Variants in MRPL12 observed in about 807,000 individuals in gnomAD.
MRPL12 encodes large ribosomal subunit protein bL12m.
A neutral mutation model predicts 21.1 loss-of-function variants in MRPL12; 13 were observed. The ratio of observed to expected loss-of-function variants is 0.62; its 90% CI spans 0.40 to 0.98. MRPL12 has a LOEUF of 0.98. Among genes scored for constraint, MRPL12 ranks in the 50% least tolerant of loss-of-function variants. The pLI is 0.00. For synonymous variants in MRPL12, 126 were observed against 115.3 expected (o/e 1.09, Z -0.60); for missense variants, 251 against 268.6 (o/e 0.93, Z 0.46).
At position 81,703,475 on chromosome 17, in the gene MRPL12, G is replaced by T. The variant is rs779040919; in HGVS notation, c.-27G>T. On this transcript the variant is annotated 5_prime_UTR_variant, in exon 1 of 5. Transcript: ENST00000333676. ...GAGCGTCGCCTCCTCCCGGGGAACCGCGTGTGACCTTCCAGCCCGCGGACC... is the reference window on the plus strand; with the variant it reads ...GAGCGTCGCCTCCTCCCGGGGAACCTCGTGTGACCTTCCAGCCCGCGGACC... The T allele has an allele frequency of 6.7e-7, 1 of 1,486,526 alleles. No homozygotes were observed. Among genetic ancestry groups the T allele is most frequent in the Non-Finnish European group, 8.9e-7 (1 of 1,124,066 alleles). 92.1% of individuals were successfully genotyped at this position (1,486,526 alleles called of 1,614,324 possible).
chr17:81,703,953 G>T (rs1413650994), intron 1 of MRPL12, among the ~76,000 whole-genome samples: 2 of 152,226 alleles, frequency 1.3e-5, no homozygotes, highest in African/African-American at 4.8e-5. Context: ...GGTTGATGTA[G>T]TTCATTCAAA....
rs1195646859 is a variant in MRPL12, at chr17:81,703,418, C to G, written c.-84C>G. ...GCCGTGGCGGCTAGAGCGTTCCTCC[C>G]CAGCTCGAATGCCCGGCGGCCGAGG... On this transcript the variant is annotated 5_prime_UTR_variant, in exon 1 of 5. Transcript: ENST00000333676. The G allele has an allele frequency of 8.1e-7, 1 of 1,227,844 alleles. No individual in the cohort carries two copies. 76.1% of individuals were successfully genotyped at this position (1,227,844 alleles called of 1,614,324 possible).
At chr17:81,706,556 C>A (rs2037315966) in intron 3 of MRPL12, among the ~76,000 whole-genome samples, 1 of 152,150 alleles carries the variant, frequency 6.6e-6, no homozygotes, top group African/African-American at 2.4e-5. Flanking sequence ...ATTGGGCAGA[C>A]CTGCCTCTGA....
chr17:81,704,618 T>A lies in MRPL12; in HGVS notation c.262-15T>A, dbSNP rs760784846. 1 of 1,613,810 alleles carries A rather than the reference T, an allele frequency of 6.2e-7. No individual in the cohort carries two copies. Among genetic ancestry groups the A allele is most frequent in the South Asian group, 1.1e-5 (1 of 91,072 alleles). On this transcript the variant is annotated splice_polypyrimidine_tract_variant and intron_variant, in intron 2 of 4. Coordinates refer to ENST00000333676, the MANE Select transcript of MRPL12 (RefSeq NM_002949.4). The stretch of plus-strand genomic sequence containing the variant: ...TGTGAGGGCCAGCTGTGGACACTGT[T>A]CTCTATCTCTGCAGAAAACGTTGAA...
intron 1 of MRPL12, among the ~76,000 whole-genome samples, chr17:81,703,918 C>T (rs576568484): frequency 6.6e-6 from 1 of 152,324 alleles, no homozygotes; most frequent in East Asian, 1.9e-4. Context: ...GAAGATGCAC[C>T]TAAGTAATAG....
At position 81,706,928 on chromosome 17, in the gene MRPL12, T is replaced by C; in HGVS notation, c.368T>C (p.Ile123Thr). ...AAGGCGGTGGAAGAAGATATCCCCATAGCGAAAGAACGGACACATTTCACC... is the reference window on the plus strand; with the variant it reads ...AAGGCGGTGGAAGAAGATATCCCCACAGCGAAAGAACGGACACATTTCACC... ...AQEAVEEDIP[I>T]AKERTHFTVR... Residue 123 changes from isoleucine to threonine, a missense_variant, in exon 4 of 5, where the codon ATA (isoleucine) becomes ACA (threonine). Physicochemically the swap from Ile to Thr is moderately conservative, Grantham distance 89 (BLOSUM62 -1). Transcript: ENST00000333676. The C allele has an allele frequency of 6.2e-7, 1 of 1,613,868 alleles. No individual in the cohort carries two copies. The highest frequency in any genetic ancestry group is 8.5e-7 in the Non-Finnish European group (1 of 1,179,998).
intron 3 of MRPL12, among the ~76,000 whole-genome samples, chr17:81,705,934 A>T (rs577939420): frequency 2.0e-5 from 3 of 152,210 alleles, no homozygotes; most frequent in Admixed American, 1.3e-4. Flanking sequence ...AATAGCTGGG[A>T]TTACTGTAGA....
rs973928903 is a variant in MRPL12 at position 81,703,460 on chromosome 17, T to G, written c.-42T>G. On this transcript the variant is annotated 5_prime_UTR_variant, in exon 1 of 5. Coordinates refer to ENST00000333676, the MANE Select transcript of MRPL12 (RefSeq NM_002949.4). ...CGGCCGAGGCGGCTAGAGCGTCGCCTCCTCCCGGGGAACCGCGTGTGACCT... is the reference window on the plus strand; with the variant it reads ...CGGCCGAGGCGGCTAGAGCGTCGCCGCCTCCCGGGGAACCGCGTGTGACCT... 2.0e-6 allele frequency: 3 copies of G among 1,474,356 alleles called. No individual in the cohort carries two copies. The highest frequency in any genetic ancestry group is 2.7e-6 in the Non-Finnish European group (3 of 1,115,962). The allele number at this position is 1,474,356 out of a possible 1,614,324, so 91.3% of individuals were successfully genotyped here. A position where few individuals can be genotyped will look rare whatever the true frequency, so the allele number is the denominator to read the frequency against.
Position 81,707,376 on chromosome 17 carries a change from G to C in MRPL12, c.*136G>C. The C allele has an allele frequency of 1.2e-6, 1 of 865,842 alleles. No homozygotes were observed. Among genetic ancestry groups the C allele is most frequent in the Admixed American group, 2.7e-5 (1 of 36,422 alleles). 53.6% of individuals were successfully genotyped at this position (865,842 alleles called of 1,614,324 possible). A position where few individuals can be genotyped will look rare whatever the true frequency, so the allele number is the denominator to read the frequency against. ...GGAGAATTGCCTGCGCCACGCAGCGGGGCCGGACAGGCCGCACAGACCTAC... is the reference window on the plus strand; with the variant it reads ...GGAGAATTGCCTGCGCCACGCAGCGCGGCCGGACAGGCCGCACAGACCTAC... On this transcript the variant is annotated 3_prime_UTR_variant, in exon 5 of 5. Coordinates refer to ENST00000333676, the MANE Select transcript of MRPL12 (RefSeq NM_002949.4).
At chr17:81,706,691 G>C (rs958297481) in intron 3 of MRPL12, among the ~76,000 whole-genome samples, 2 of 152,188 alleles carry the variant, frequency 1.3e-5, no homozygotes, top group African/African-American at 4.8e-5. Context: ...GGATGACAGA[G>C]TGAGACTCCG....
At chr17:81,703,642 C>T (rs923739921) in intron 1 of MRPL12, 67 bp downstream of exon 1, 39 of 1,262,678 alleles carry the variant, frequency 3.1e-5, no homozygotes, top group Middle Eastern at 3.0e-4. Context: ...ACTGAGGGGT[C>T]GATCCGGGCG....
At chr17:81,705,565 G>C (rs545157377) in intron 3 of MRPL12, among the ~76,000 whole-genome samples, 1 of 152,302 alleles carries the variant, frequency 6.6e-6, no homozygotes, top group African/African-American at 2.4e-5. Flanking sequence ...CGGCCTTCCT[G>C]GCGGAGGACG....
At position 81,707,289 on chromosome 17, in the gene MRPL12, G is replaced by A; in HGVS notation, c.*49G>A. Reference sequence around the variant, plus strand: ...TCAGGGGTCCTGGGCCCCGGGCGAGGTCCCGCCCTCCCGTGGTCACTGGCT... The same window carrying A: ...TCAGGGGTCCTGGGCCCCGGGCGAGATCCCGCCCTCCCGTGGTCACTGGCT... On this transcript the variant is annotated 3_prime_UTR_variant, in exon 5 of 5. Coordinates refer to ENST00000333676, the MANE Select transcript of MRPL12 (RefSeq NM_002949.4). 6.7e-7 allele frequency: 1 copy of A among 1,500,632 alleles called. No homozygotes were observed. 93.0% of individuals were successfully genotyped at this position (1,500,632 alleles called of 1,614,324 possible).
chr17:81,704,644 G>C lies in MRPL12; in HGVS notation c.273G>C (p.Lys91Asn), dbSNP rs754148179. Residue 91 changes from lysine to asparagine, a missense_variant, in exon 3 of 5, where the codon AAG becomes AAC. Coordinates refer to ENST00000333676, the MANE Select transcript of MRPL12 (RefSeq NM_002949.4). Reference protein sequence around the residue: ...DLNELLKKTLKIQDVGLVPMG... With the variant: ...DLNELLKKTLNIQDVGLVPMG... ...CTCTATCTCTGCAGAAAACGTTGAA[G>C]ATCCAGGATGTCGGGCTTGTGCCGA... The C allele has an allele frequency of 6.2e-7, 1 of 1,613,964 alleles. No homozygotes were observed. The highest frequency in any genetic ancestry group is 1.7e-5 in the Admixed American group (1 of 60,026).
rs758741335 is a variant in MRPL12, at chr17:81,707,212, C to T, written c.569C>T (p.Ala190Val). ...EAEKIKAALE[A>V]VGGTVVLE Reference sequence around the variant, plus strand: ...GAGAAGATCAAGGCGGCCCTGGAGGCGGTGGGCGGCACCGTGGTTCTGGAG... The same window carrying T: ...GAGAAGATCAAGGCGGCCCTGGAGGTGGTGGGCGGCACCGTGGTTCTGGAG... The change falls in exon 5 of 5, where the codon GCG becomes GTG. Residue 190 changes from alanine to valine, a missense_variant. Coordinates refer to ENST00000333676, the MANE Select transcript of MRPL12 (RefSeq NM_002949.4). The T allele has an allele frequency of 1.4e-5, 23 of 1,606,106 alleles. No individual in the cohort carries two copies. Among genetic ancestry groups the T allele is most frequent in the South Asian group, 2.2e-5 (2 of 90,084 alleles).
intron 1 of MRPL12, among the ~76,000 whole-genome samples, chr17:81,703,947 G>T (rs1024753046): frequency 2.6e-5 from 4 of 152,246 alleles, no homozygotes; most frequent in African/African-American, 9.6e-5. Flanking sequence ...CCGCTGGGTT[G>T]ATGTAGTTCA....
intron 3 of MRPL12, among the ~76,000 whole-genome samples, chr17:81,706,050 C>T (rs1312918476): frequency 2.0e-5 from 3 of 152,248 alleles, no homozygotes; most frequent in Non-Finnish European, 4.4e-5. Flanking sequence ...GGTGCTGGGT[C>T]TCCATGCGCC....
At chr17:81,704,476 GC>G in intron 2 of MRPL12, 46 bp downstream of exon 2, 1 of 1,592,746 alleles carries the variant, frequency 6.3e-7, no homozygotes. Flanking sequence ...AAGTTTCAGG[GC>G]CCCTGTGTTT....
rs574992244 is a variant in MRPL12, at chr17:81,707,316, C to T, written c.*76C>T. 120 of 1,378,314 alleles carry T rather than the reference C, an allele frequency of 8.7e-5. No individual in the cohort carries two copies. The African/African-American group carries it at 1.2e-3, about 14-fold the overall frequency. The allele number at this position is 1,378,314 out of a possible 1,614,324, so 85.4% of individuals were successfully genotyped here. A position where few individuals can be genotyped will look rare whatever the true frequency, so the allele number is the denominator to read the frequency against. Reference sequence around the variant, plus strand: ...CCCGCCCTCCCGTGGTCACTGGCTCCGCCCCCAGCACCAGGCGCCCAGTGG... The same window carrying T: ...CCCGCCCTCCCGTGGTCACTGGCTCTGCCCCCAGCACCAGGCGCCCAGTGG... On this transcript the variant is annotated 3_prime_UTR_variant, in exon 5 of 5. Transcript: ENST00000333676.
Sources: gnomAD v4.1 joint callset for allele counts (sites outside exome capture counted in the v4.1 genomes callset) on GRCh38, gnomAD v4.1.1 for gene constraint, MANE v1.5 for transcripts, NCBI Gene and HGNC (gene_info 2026-07-23, HGNC 2026-07-21) for gene names.